BNC2: variants seen among roughly 807,000 people sequenced by gnomAD.
BNC2 encodes the protein basonuclin zinc finger protein 2.
In BNC2, 20 loss-of-function variants were observed where a neutral mutation model predicts 76.3. The observed-to-expected ratio is 0.26, with a 90% CI of 0.18 to 0.38. The LOEUF (loss-of-function observed/expected upper bound fraction) is 0.38, where lower values mean the gene tolerates loss of function less well. Among genes scored for constraint, BNC2 ranks in the 10% least tolerant of loss-of-function variants. BNC2 has a pLI of 1.00. For missense variants in BNC2, 1,382 were observed against 1,399.8 expected (o/e 0.99, Z 0.20); for synonymous variants, 582 against 514.8 (o/e 1.13, Z -1.77).
chr9:16,674,721 T>C (rs1263232230), intron 3 of BNC2, among the ~76,000 whole-genome samples: 3 of 152,210 alleles, frequency 2.0e-5, no homozygotes, highest in Non-Finnish European at 4.4e-5. Flanking sequence ...TCTTATAAGA[T>C]GTAAACATAG....
At chr9:16,539,634 C>CGAGG (rs1239682599) in intron 5 of BNC2, among the ~76,000 whole-genome samples, 5 of 15,108 alleles carry the variant, frequency 3.3e-4, no homozygotes, top group Non-Finnish European at 5.2e-4. Context: ...AGGGAGGGAG[C>CGAGG]GAGGGAGGGA....
chr9:16,584,525 C>T (rs1485679610), intron 3 of BNC2, among the ~76,000 whole-genome samples: 1 of 152,090 alleles, frequency 6.6e-6, no homozygotes, highest in African/African-American at 2.4e-5. Context: ...ATACTTCACC[C>T]CCATCTTTAA....
intron 3 of BNC2, among the ~76,000 whole-genome samples, chr9:16,603,103 A>G (rs1820288383): frequency 2.0e-5 from 3 of 152,182 alleles, no homozygotes; most frequent in Admixed American, 2.0e-4. Flanking sequence ...TTATGCCTCC[A>G]ATTGTCAAAC....
chr9:16,449,800 TG>T (rs1465313088), intron 5 of BNC2, among the ~76,000 whole-genome samples: 1 of 99,060 alleles, frequency 1.0e-5, no homozygotes, highest in African/African-American at 3.4e-5. Context: ...TGGGGGTGAA[TG>T]GGAGGTGAAA....
chr9:16,570,346 C>T (rs1168319648), intron 4 of BNC2, among the ~76,000 whole-genome samples: 1 of 152,116 alleles, frequency 6.6e-6, no homozygotes, highest in Non-Finnish European at 1.5e-5. Context: ...AATTTTTCCT[C>T]CTTCCCCCAG....
intron 3 of BNC2, among the ~76,000 whole-genome samples, chr9:16,701,828 G>C (rs529469974): frequency 6.8e-6 from 1 of 146,282 alleles, no homozygotes; most frequent in East Asian, 2.0e-4. Flanking sequence ...TGTAATCCAA[G>C]CTACTCAGCA....
At chr9:16,748,449 G>A (rs746041206) in intron 1 of BNC2, among the ~76,000 whole-genome samples, 2 of 152,136 alleles carry the variant, frequency 1.3e-5, no homozygotes, top group African/African-American at 2.4e-5. Flanking sequence ...GGGTGGTCGA[G>A]GCTACAGTGA....
intron 3 of BNC2, among the ~76,000 whole-genome samples, chr9:16,665,404 A>G (rs200617269): frequency 0.011 from 697 of 62,450 alleles, 17 homozygotes; most frequent in African/African-American, 0.032. Context: ...GAGAGAGAGA[A>G]AGAGAGAAAA....
chr9:16,481,346 T>A (rs1204665030), intron 5 of BNC2, among the ~76,000 whole-genome samples: 1 of 152,030 alleles, frequency 6.6e-6, no homozygotes, highest in Non-Finnish European at 1.5e-5. Flanking sequence ...CGTGGAAGCT[T>A]TGTTCTTTCG....
intron 5 of BNC2, among the ~76,000 whole-genome samples, chr9:16,526,229 C>T (rs567221463): frequency 2.6e-5 from 4 of 151,954 alleles, no homozygotes; most frequent in South Asian, 4.2e-4. Flanking sequence ...GTGGCATATG[C>T]GTACATCTGT....
chr9:16,824,084 A>G (rs368295593), intron 1 of BNC2, among the ~76,000 whole-genome samples: 8 of 152,332 alleles, frequency 5.3e-5, no homozygotes, highest in South Asian at 4.1e-4. Flanking sequence ...AAGGAACCCA[A>G]TGGTTAGGAG....
intron 3 of BNC2, among the ~76,000 whole-genome samples, chr9:16,648,493 C>A (rs1026468477): frequency 5.9e-5 from 9 of 152,190 alleles, no homozygotes; most frequent in Admixed American, 5.2e-4. Context: ...CAATTCTGAA[C>A]ATGGAATTCC....
At chr9:16,600,935 C>T (rs906377781) in intron 3 of BNC2, among the ~76,000 whole-genome samples, 2 of 152,114 alleles carry the variant, frequency 1.3e-5, no homozygotes, top group Admixed American at 1.3e-4. Context: ...CTAATAACGC[C>T]TTCAATGTGA....
chr9:16,790,817 C>CCT (rs1554732213), intron 1 of BNC2, among the ~76,000 whole-genome samples: 2 of 128,828 alleles, frequency 1.6e-5, no homozygotes, highest in African/African-American at 2.9e-5. Context: ...CCTTGGTAAG[C>CCT]TTTTTTTTTT....
At chr9:16,577,824 G>A (rs1819526611) in intron 4 of BNC2, among the ~76,000 whole-genome samples, 3 of 152,066 alleles carry the variant, frequency 2.0e-5, no homozygotes, top group Admixed American at 2.0e-4. Context: ...TATTAATTCA[G>A]ATCTCTTGAA....
chr9:16,619,485 T>C (rs1277331515), intron 3 of BNC2, among the ~76,000 whole-genome samples: 11 of 152,180 alleles, frequency 7.2e-5, no homozygotes, highest in Non-Finnish European at 4.4e-5. Flanking sequence ...AACCTTCAGT[T>C]AAAATAATAT....
intron 5 of BNC2, among the ~76,000 whole-genome samples, chr9:16,442,007 A>C (rs951491267): frequency 6.6e-6 from 1 of 152,190 alleles, no homozygotes; most frequent in African/African-American, 2.4e-5. Flanking sequence ...ACATCAGAGT[A>C]CATAACTGAA....
chr9:16,778,827 G>A (rs569780888), intron 1 of BNC2, among the ~76,000 whole-genome samples: 18 of 152,248 alleles, frequency 1.2e-4, no homozygotes, highest in African/African-American at 4.3e-4. Flanking sequence ...AAGTATTAAA[G>A]AATAGGAGGG....
chr9:16,567,533 T>G (rs550990518), intron 4 of BNC2, among the ~76,000 whole-genome samples: 4 of 152,312 alleles, frequency 2.6e-5, no homozygotes, highest in Non-Finnish European at 4.4e-5. Flanking sequence ...TTAAAATAAA[T>G]GTAAACCTGT....
Sources: allele counts gnomAD v4.1 joint callset (sites outside exome capture counted in the v4.1 genomes callset), GRCh38; gene constraint gnomAD v4.1.1; transcripts MANE v1.5; gene names NCBI Gene and HGNC (gene_info 2026-07-23, HGNC 2026-07-21).